The following SLC17A6 variants were observed in gnomAD, a reference collection of about 807,000 sequenced individuals.
SLC17A6 encodes vesicular glutamate transporter 2.
SLC17A6 carries 35 observed loss-of-function variants against 67.1 expected under a neutral mutation model. The observed-to-expected ratio is 0.52, with a 90% CI of 0.40 to 0.69. The LOEUF (loss-of-function observed/expected upper bound fraction) is 0.69. Ranked by LOEUF, SLC17A6 falls within the 30% of genes least tolerant of loss-of-function variation. SLC17A6 has a pLI of 0.00. For synonymous variants in SLC17A6, 285 were observed against 252.3 expected (o/e 1.13, Z -1.23); for missense variants, 588 against 723.9 (o/e 0.81, Z 2.15).
In SLC17A6 at chr11:22,377,674, A is replaced by C. The variant is rs1462130373; in HGVS notation, c.1683A>C (p.Lys561Asn). ...GTTGGCCTAGTGGTTGGGAAAAGAA[A>C]GAGGAATTTGTACAAGGAGAAGTAC... The part of the protein sequence containing the change: ...NGGWPSGWEK[K>N]EEFVQGEVQD... Residue 561 changes from lysine (K) to asparagine (N), a missense_variant, in exon 12 of 12, where the codon AAA (lysine) becomes AAC (asparagine). By Grantham distance (94) the Lys-to-Asn change is moderately conservative. This residue lies in a region of SLC17A6 where 414 missense variants were observed against 563.4 expected (regional missense o/e 0.73). Coordinates refer to ENST00000263160, the MANE Select transcript of SLC17A6 (RefSeq NM_020346.3). 1 of 1,613,086 alleles carries C rather than the reference A, an allele frequency of 6.2e-7. No individual in the cohort carries two copies. The highest frequency in any genetic ancestry group is 8.5e-7 in the Non-Finnish European group (1 of 1,179,750).
chr11:22,339,152 G>GTTATATATATATGTT (rs1564976498), intron 1 of SLC17A6, among the ~76,000 whole-genome samples: 1 of 2,208 alleles, frequency 4.5e-4, no homozygotes, highest in Non-Finnish European at 1.1e-3. Flanking sequence ...GTTATATATA[G>GTTATATATATATGTT]TTATATATAT....
intron 10 of SLC17A6, 84 bp downstream of exon 10, chr11:22,376,176 G>T (rs1451136881): frequency 5.1e-6 from 4 of 784,434 alleles, no homozygotes; most frequent in Non-Finnish European, 8.1e-6. Context: ...CCTTTTTATA[G>T]ATATCTTCAT....
Position 22,370,062 on chromosome 11 carries a change from GT to G in SLC17A6, c.921del (p.Phe307LeufsTer9), listed in dbSNP as rs752826797. 1.9e-6 allele frequency: 3 copies of G among 1,608,610 alleles called. No individual in the cohort carries two copies. The highest frequency in any genetic ancestry group is 2.5e-6 in the Non-Finnish European group (3 of 1,178,362). On this transcript the variant is annotated frameshift_variant, in exon 8 of 12. Transcript: ENST00000263160. LOFTEE classifies it high-confidence loss of function. ...AGAAATTCAAGACTCCATGGAGGAAGTTTTTTACATCCATGCCAGTCTATGC... is the reference window on the plus strand; with the variant it reads ...AGAAATTCAAGACTCCATGGAGGAAGTTTTTACATCCATGCCAGTCTATGC... ...MEKFKTPWRKFFTSMPVYAII... is the reference protein window; with the variant it reads ...MEKFKTPWRKXFTSMPVYAII...
intron 6 of SLC17A6, 104 bp from the exon 7 acceptor site, chr11:22,365,440 ATTC>A (rs1038484090): frequency 7.0e-6 from 9 of 1,277,752 alleles, no homozygotes; most frequent in African/African-American, 6.0e-5. Context: ...ATAAGCTTGA[ATTC>A]TTCTTTCTAA....
Position 22,338,448 on chromosome 11 carries a change from A to C in SLC17A6, c.-86A>C. 1 of 960,688 alleles carries C rather than the reference A, an allele frequency of 1.0e-6. No individual in the cohort carries two copies. The highest frequency in any genetic ancestry group is 1.6e-6 in the Non-Finnish European group (1 of 611,040). The allele number at this position is 960,688 out of a possible 1,614,324, so 59.5% of individuals were successfully genotyped here. On this transcript the variant is annotated 5_prime_UTR_variant, in exon 1 of 12. Transcript: ENST00000263160. ...GAAGGAAAAGCCCGCAACTACTTTA[A>C]GAGATTAAGACAATATGCGCAATCC...
At chr11:22,369,284 A>G (rs1856147036) in intron 7 of SLC17A6, among the ~76,000 whole-genome samples, 2 of 151,986 alleles carry the variant, frequency 1.3e-5, no homozygotes, top group Non-Finnish European at 2.9e-5. Flanking sequence ...TTTAAGTACA[A>G]TTAGGTTTAA....
chr11:22,353,382 C>T (rs914278434), intron 3 of SLC17A6, among the ~76,000 whole-genome samples: 16 of 152,098 alleles, frequency 1.1e-4, no homozygotes, highest in African/African-American at 3.6e-4. Context: ...CAAAACCTCT[C>T]ATTCTTAACT....
intron 9 of SLC17A6, among the ~76,000 whole-genome samples, chr11:22,375,390 A>T (rs1856221531): frequency 6.6e-6 from 1 of 152,054 alleles, no homozygotes; most frequent in African/African-American, 2.4e-5. Flanking sequence ...AAAAATAAAA[A>T]AAATAAATAA....
chr11:22,362,442 A>G (rs1259373185), intron 5 of SLC17A6: 10 of 425,844 alleles, frequency 2.3e-5, no homozygotes, highest in Admixed American at 1.4e-4. Context: ...CAAGTCCAGC[A>G]CACAGACATG....
chr11:22,359,645 A>C (rs1856027578), intron 4 of SLC17A6, 118 bp downstream of exon 4: 4 of 475,686 alleles, frequency 8.4e-6, no homozygotes, highest in Non-Finnish European at 1.0e-5. Flanking sequence ...AAATAGAGTT[A>C]AAATAAAAAA....
Position 22,378,661 on chromosome 11 carries a change from T to A in SLC17A6, c.*921T>A, listed in dbSNP as rs1056796108. ...TTAAGAACAAAGAAATAGAAAATGG[T>A]TTAGATATCTTTCTTCCTTCATAAT... On this transcript the variant is annotated 3_prime_UTR_variant, in exon 12 of 12. Transcript: ENST00000263160. 6.6e-6 allele frequency: 1 copy of A among 152,308 alleles called. No homozygotes were observed. The highest frequency in any genetic ancestry group is 1.5e-5 in the Non-Finnish European group (1 of 67,930). The allele number at this position is 152,308 out of a possible 1,614,324, so 9.4% of individuals were successfully genotyped here. A position where few individuals can be genotyped will look rare whatever the true frequency, so the allele number is the denominator to read the frequency against.
chr11:22,376,890 CT>C (rs1202507094), intron 11 of SLC17A6, among the ~76,000 whole-genome samples: 2 of 152,090 alleles, frequency 1.3e-5, no homozygotes, highest in Admixed American at 1.3e-4. Flanking sequence ...TTTCTCAACC[CT>C]TTTTAATAAT....
chr11:22,341,492 G>T (rs760660864), intron 1 of SLC17A6, 36 bp from the exon 2 acceptor site: 16 of 1,600,570 alleles, frequency 1.0e-5, no homozygotes, highest in Middle Eastern at 3.4e-4. Context: ...TACCTAAGCC[G>T]CCAAGTCCTT....
At chr11:22,364,516 T>C (rs1856087027) in intron 6 of SLC17A6, among the ~76,000 whole-genome samples, 1 of 152,184 alleles carries the variant, frequency 6.6e-6, no homozygotes, top group Non-Finnish European at 1.5e-5. Context: ...CTGTAAACAC[T>C]ATATTATTCT....
chr11:22,352,320 C>T lies in SLC17A6; in HGVS notation c.459-7093C>T, dbSNP rs541197304. Among the ~76,000 whole-genome samples the T allele has an allele frequency of 4.6e-5, 7 of 152,268 alleles. No individual in the cohort carries two copies. In the East Asian group the frequency reaches 1.4e-3, roughly 29 times the overall value. On this transcript the variant is annotated intron_variant, in intron 3 of 11. Transcript: ENST00000263160. Reference sequence around the variant, plus strand: ...TCTACAGGAGTACTCTAAATTATAGCCCATAGCTGTCAACCTACAGTTATT... The same window carrying T: ...TCTACAGGAGTACTCTAAATTATAGTCCATAGCTGTCAACCTACAGTTATT...
intron 1 of SLC17A6, among the ~76,000 whole-genome samples, chr11:22,339,004 T>C (rs552521828): frequency 9.5e-5 from 14 of 147,776 alleles, no homozygotes; most frequent in African/African-American, 3.5e-4. Flanking sequence ...TGCAGACAAA[T>C]GAATATAAAA....
At position 22,377,308 on chromosome 11, in the gene SLC17A6, G is replaced by A. The variant is rs188111826; in HGVS notation, c.1414-97G>A. Reference sequence around the variant, plus strand: ...GATATGGATTTTTCCCAAATATAGTGTTTTATGAAAACTCAGTGGTGGTGC... The same window carrying A: ...GATATGGATTTTTCCCAAATATAGTATTTTATGAAAACTCAGTGGTGGTGC... On this transcript the variant is annotated intron_variant, in intron 11 of 11. Transcript: ENST00000263160. 21 of 1,133,098 alleles carry A rather than the reference G, an allele frequency of 1.9e-5. No individual in the cohort carries two copies. The East Asian group carries it at 3.6e-4, about 19-fold the overall frequency. 70.2% of individuals were successfully genotyped at this position (1,133,098 alleles called of 1,614,324 possible).
chr11:22,366,560 T>C (rs973548960), intron 7 of SLC17A6, among the ~76,000 whole-genome samples: 1 of 152,198 alleles, frequency 6.6e-6, no homozygotes, highest in Non-Finnish European at 1.5e-5. Context: ...AAGCCCTTTT[T>C]TCTGATGATT....
chr11:22,374,896 A>C lies in SLC17A6; in HGVS notation c.1174+9A>C, dbSNP rs775543236. On this transcript the variant is annotated intron_variant, in intron 9 of 11. Transcript: ENST00000263160. ...GATCATGAATTGTGGTGGTAAGTAC[A>C]TAAGTGGCACTAAGGACATGTTTTT... is the stretch of plus-strand genomic sequence containing the variant. 2 of 1,608,066 alleles carry C rather than the reference A, an allele frequency of 1.2e-6. No homozygotes were observed. The highest frequency in any genetic ancestry group is 3.4e-5 in the Admixed American group (2 of 58,778).
Sources: gnomAD v4.1 joint callset for allele counts (sites outside exome capture counted in the v4.1 genomes callset) on GRCh38, gnomAD v4.1.1 for gene constraint, gnomAD v4.1.1 regional missense constraint, MANE v1.5 for transcripts, NCBI Gene and HGNC (gene_info 2026-07-23, HGNC 2026-07-21) for gene names.